PRICKLE2: variants seen among roughly 807,000 people sequenced by gnomAD.
PRICKLE2 encodes the protein prickle-like protein 2.
PRICKLE2 carries 21 observed loss-of-function variants against 81.4 expected under a neutral mutation model. The ratio of observed to expected loss-of-function variants is 0.26; its 90% confidence interval spans 0.18 to 0.37. The LOEUF (loss-of-function observed/expected upper bound fraction) is 0.37. PRICKLE2 is among the 10% of genes least tolerant of loss of function. The pLI is 1.00. For synonymous variants in PRICKLE2, 456 were observed against 421.5 expected, an observed-to-expected ratio of 1.08 and a Z score of -1.00; for missense variants, 940 against 1,109.0, an observed-to-expected ratio of 0.85 and a Z score of 2.16.
chr3:64,103,805 C>T (rs1575537884), intron 7 of PRICKLE2, among the ~76,000 whole-genome samples: 1 of 152,136 alleles, frequency 6.6e-6, no homozygotes, highest in East Asian at 1.9e-4. Context: ...CATGGTGAAA[C>T]CCTGTCTCTA....
At chr3:64,209,701 A>C (rs1208917457) in intron 1 of PRICKLE2, among the ~76,000 whole-genome samples, 1 of 152,258 alleles carries the variant, frequency 6.6e-6, no homozygotes, top group African/African-American at 2.4e-5. Context: ...TGCTGGGCAC[A>C]CGACAGTCAT....
intron 2 of PRICKLE2, among the ~76,000 whole-genome samples, chr3:64,165,852 C>T (rs991480894): frequency 3.9e-5 from 6 of 152,124 alleles, no homozygotes; most frequent in Middle Eastern, 3.4e-3. Context: ...TAGAGTGAGA[C>T]CAAACCCTGA....
intron 1 of PRICKLE2, among the ~76,000 whole-genome samples, chr3:64,214,143 A>T (rs902183390): frequency 6.6e-6 from 1 of 152,184 alleles, no homozygotes; most frequent in Admixed American, 6.5e-5. Flanking sequence ...CTGGCAGCGG[A>T]ATCCCTCAGG....
At chr3:64,267,272 G>C (rs894383517) in intron 2 of PRICKLE2, among the ~76,000 whole-genome samples, 1 of 152,086 alleles carries the variant, frequency 6.6e-6, no homozygotes, top group Non-Finnish European at 1.5e-5. Flanking sequence ...GCTAGGAGAA[G>C]GGCCCTCTCC....
At chr3:64,143,228 C>T (rs111414383) in intron 7 of PRICKLE2, among the ~76,000 whole-genome samples, 3,943 of 152,238 alleles carry the variant, frequency 0.026, 183 homozygotes, top group African/African-American at 0.09. Context: ...TCTAGTGCAA[C>T]TAATGGCCTG....
chr3:64,118,737 T>C (rs1459335214), intron 7 of PRICKLE2, among the ~76,000 whole-genome samples: 2 of 151,922 alleles, frequency 1.3e-5, no homozygotes, highest in Non-Finnish European at 2.9e-5. Context: ...AAAATATGGA[T>C]TATGGTTGCA....
In PRICKLE2 at chr3:64,093,590, T is replaced by C. The variant is rs1393125853; in HGVS notation, c.*5461A>G. On this transcript the variant is annotated 3_prime_UTR_variant, in exon 8 of 8. Coordinates refer to ENST00000638394, the MANE Select transcript of PRICKLE2 (RefSeq NM_198859.4). Reference sequence around the variant, plus strand: ...GGAGACATTTTTAGTTGTCACAGTTTCTGGGGGCTGCTACTGGCATCTAGT... The same window carrying C: ...GGAGACATTTTTAGTTGTCACAGTTCCTGGGGGCTGCTACTGGCATCTAGT... 2 of 152,202 alleles carry C rather than the reference T, an allele frequency of 1.3e-5. No individual in the cohort carries two copies. Among genetic ancestry groups the C allele is most frequent in the Non-Finnish European group, 2.9e-5 (2 of 68,046 alleles). The allele number at this position is 152,202 out of a possible 1,614,324, so 9.4% of individuals were successfully genotyped here.
intron 7 of PRICKLE2, among the ~76,000 whole-genome samples, chr3:64,107,152 T>G (rs944440157): frequency 6.6e-6 from 1 of 152,086 alleles, no homozygotes; most frequent in African/African-American, 2.4e-5. Context: ...TTGGCTGTGC[T>G]TCTACAAAGA....
chr3:64,166,147 C>G (rs938159089), intron 2 of PRICKLE2, among the ~76,000 whole-genome samples: 1 of 152,142 alleles, frequency 6.6e-6, no homozygotes, highest in Non-Finnish European at 1.5e-5. Context: ...CTTACCTCTG[C>G]TCTCTTCTCT....
At chr3:64,161,078 A>T (rs2077725815) in intron 3 of PRICKLE2, among the ~76,000 whole-genome samples, 1 of 152,132 alleles carries the variant, frequency 6.6e-6, no homozygotes, top group Non-Finnish European at 1.5e-5. Flanking sequence ...TAAAACAGAG[A>T]TCCCTGACGC....
intron 2 of PRICKLE2, among the ~76,000 whole-genome samples, chr3:64,246,860 A>G (rs1005226458): frequency 6.6e-6 from 1 of 152,210 alleles, no homozygotes; most frequent in Admixed American, 6.5e-5. Context: ...TACCCTCATA[A>G]AGTTCTCTGG....
chr3:64,136,459 A>T (rs1293235107), intron 7 of PRICKLE2, among the ~76,000 whole-genome samples: 1 of 149,648 alleles, frequency 6.7e-6, no homozygotes, highest in East Asian at 1.9e-4. Flanking sequence ...ATTGACAAGC[A>T]TCCTAGATGA....
intron 1 of PRICKLE2, 49 bp from the exon 2 acceptor site, chr3:64,199,016 T>G (rs954168549): frequency 5.7e-6 from 9 of 1,574,644 alleles, no homozygotes; most frequent in Non-Finnish European, 7.8e-6. Context: ...AACCTTTTTT[T>G]TTTTCCAAGA....
chr3:64,160,054 A>T lies in PRICKLE2; in HGVS notation c.282T>A (p.Asp94Glu), dbSNP rs769092720. Residue 94 changes from aspartate to glutamate, a missense_variant, in exon 4 of 8, where the codon GAT becomes GAA. Transcript: ENST00000638394. Reference sequence around the variant, plus strand: ...GCTTCAGCTCCCTCTTCTCTTCCTCATCCAGGGAGTTGCAATATCGAACCT... The same window carrying T: ...GCTTCAGCTCCCTCTTCTCTTCCTCTTCCAGGGAGTTGCAATATCGAACCT... ...DNEVRYCNSLDEEEKRELKLF... is the reference protein window; with the variant it reads ...DNEVRYCNSLEEEEKRELKLF... The T allele has an allele frequency of 2.5e-6, 4 of 1,614,074 alleles. No individual in the cohort carries two copies. The highest frequency in any genetic ancestry group is 3.4e-6 in the Non-Finnish European group (4 of 1,179,998).
intron 2 of PRICKLE2, among the ~76,000 whole-genome samples, chr3:64,242,274 G>C (rs1440075842): frequency 6.6e-6 from 1 of 152,156 alleles, no homozygotes; most frequent in Non-Finnish European, 1.5e-5. Context: ...CTTCTTAGCA[G>C]TCTAGCTAGA....
At chr3:64,216,149 T>C (rs900837234) in intron 1 of PRICKLE2, among the ~76,000 whole-genome samples, 44 of 152,216 alleles carry the variant, frequency 2.9e-4, no homozygotes, top group African/African-American at 1.0e-3. Flanking sequence ...CAGAAAAACA[T>C]TATTTTTTCC....
At chr3:64,103,053 A>G (rs2076694437) in intron 7 of PRICKLE2, 1 of 152,234 alleles carries the variant, frequency 6.6e-6, no homozygotes, top group Non-Finnish European at 1.5e-5. Flanking sequence ...AGTACATTAC[A>G]GGTGTTGTTT....
chr3:64,217,081 C>T (rs758912126), intron 1 of PRICKLE2, among the ~76,000 whole-genome samples: 16 of 152,158 alleles, frequency 1.1e-4, no homozygotes, highest in Non-Finnish European at 2.1e-4. Context: ...GCCAGGAGCA[C>T]GCACTTCATA....
At chr3:64,168,787 C>T (rs1295874316) in intron 2 of PRICKLE2, among the ~76,000 whole-genome samples, 1 of 152,136 alleles carries the variant, frequency 6.6e-6, no homozygotes, top group Admixed American at 6.5e-5. Flanking sequence ...ACAGTAGATT[C>T]CCAATAGGTC....
Sources: allele counts gnomAD v4.1 joint callset (sites outside exome capture counted in the v4.1 genomes callset), GRCh38; gene constraint gnomAD v4.1.1; transcripts MANE v1.5; gene names NCBI Gene and HGNC (gene_info 2026-07-23, HGNC 2026-07-21).